Variants in RTL4 observed in about 807,000 individuals in gnomAD.
RTL4 encodes retrotransposon Gag-like protein 4.
RTL4 carries 4 observed loss-of-function variants against 5.3 expected under a neutral mutation model. The observed-to-expected ratio is 0.75, with a 90% CI of 0.37 to 1.72. The LOEUF (loss-of-function observed/expected upper bound fraction) is 1.72. Ranked by LOEUF, RTL4 falls within the 40% of genes most tolerant of loss-of-function variation. The probability of loss-of-function intolerance (pLI) is 0.04; values close to 1 mark genes in which losing one functional copy is unlikely to be tolerated. For missense variants in RTL4, 260 were observed against 227.1 expected (o/e 1.14, Z -0.93); for synonymous variants, 98 against 87.3 (o/e 1.12, Z -0.68).
At chrX:112,094,977 G>A in the RTL4 span, among the ~76,000 whole-genome samples, 1 of 111,284 alleles carries the variant, frequency 9.0e-6, no homozygotes, top group African/African-American at 3.3e-5. Flanking sequence ...GTCAAGAGAG[G>A]TTGGGTTTTC....
chrX:112,402,839 A>G, the RTL4 span, among the ~76,000 whole-genome samples: 1 of 111,522 alleles, frequency 9.0e-6, no homozygotes, highest in Non-Finnish European at 1.9e-5. Flanking sequence ...CCAAAATCTG[A>G]AGAACCAGAC....
chrX:112,271,547 G>T, the RTL4 span, among the ~76,000 whole-genome samples: 1 of 111,519 alleles, frequency 9.0e-6, no homozygotes, highest in Non-Finnish European at 1.9e-5. Flanking sequence ...GAGGGGGAAA[G>T]CTCTGAGCAA....
the RTL4 span, among the ~76,000 whole-genome samples, chrX:112,430,580 G>A: frequency 9.0e-6 from 1 of 111,134 alleles, no homozygotes; most frequent in African/African-American, 3.3e-5. Context: ...TCTTCACGAT[G>A]TGTTATTTTT....
the RTL4 span, among the ~76,000 whole-genome samples, chrX:112,147,002 C>T: frequency 8.9e-4 from 95 of 106,463 alleles, no homozygotes; most frequent in African/African-American, 3.2e-3. Flanking sequence ...GAGGTACACA[C>T]TATTATTCTC....
At chrX:112,145,691 A>G in the RTL4 span, among the ~76,000 whole-genome samples, 1 of 111,702 alleles carries the variant, frequency 9.0e-6, no homozygotes, top group Non-Finnish European at 1.9e-5. Context: ...AAGTGCTATG[A>G]CGAAAAGAAG....
chrX:112,263,680 G>A, the RTL4 span, among the ~76,000 whole-genome samples: 4 of 111,645 alleles, frequency 3.6e-5, no homozygotes, highest in Non-Finnish European at 7.5e-5. Context: ...AGGATCTAAA[G>A]TACAGCAGAG....
the RTL4 span, among the ~76,000 whole-genome samples, chrX:112,103,167 A>T: frequency 8.9e-6 from 1 of 111,758 alleles, no homozygotes; most frequent in Non-Finnish European, 1.9e-5. Flanking sequence ...AATGGCAAAG[A>T]TATGGAATCA....
the RTL4 span, among the ~76,000 whole-genome samples, chrX:112,293,022 A>T: frequency 8.9e-6 from 1 of 111,966 alleles, no homozygotes; most frequent in African/African-American, 3.2e-5. Flanking sequence ...AAAATTGCTA[A>T]TAGCAACACA....
At chrX:112,116,600 T>C in the RTL4 span, among the ~76,000 whole-genome samples, 1 of 111,614 alleles carries the variant, frequency 9.0e-6, no homozygotes, top group Non-Finnish European at 1.9e-5. Flanking sequence ...TGGTGCGTTT[T>C]TACAAAGCAC....
chrX:112,168,595 T>A, the RTL4 span, among the ~76,000 whole-genome samples: 8 of 111,920 alleles, frequency 7.1e-5, no homozygotes, highest in Admixed American at 9.5e-5. Flanking sequence ...CTGTTCATTA[T>A]ATGCTAATTA....
At chrX:112,151,326 C>G in the RTL4 span, among the ~76,000 whole-genome samples, 3 of 111,700 alleles carry the variant, frequency 2.7e-5, no homozygotes, top group Admixed American at 1.9e-4. Context: ...CAAGGCCGAG[C>G]CAAAGGCAAT....
At chrX:112,213,361 G>C in the RTL4 span, among the ~76,000 whole-genome samples, 3 of 112,485 alleles carry the variant, frequency 2.7e-5, no homozygotes, top group Non-Finnish European at 5.6e-5. Flanking sequence ...TTGGAGCAAT[G>C]CTTTGCCTAT....
chrX:112,308,962 T>C, the RTL4 span, among the ~76,000 whole-genome samples: 1 of 111,708 alleles, frequency 9.0e-6, no homozygotes, highest in Non-Finnish European at 1.9e-5. Context: ...ATGCAAATCT[T>C]CCTGGATTGT....
the RTL4 span, among the ~76,000 whole-genome samples, chrX:112,320,620 G>A: frequency 9.0e-6 from 1 of 111,116 alleles, no homozygotes; most frequent in East Asian, 2.8e-4. Context: ...AAACAGTGAG[G>A]TGATTAAAGG....
the RTL4 span, among the ~76,000 whole-genome samples, chrX:112,410,176 A>G: frequency 8.9e-6 from 1 of 112,419 alleles, no homozygotes; most frequent in Non-Finnish European, 1.9e-5. Flanking sequence ...GCAAGAGGAT[A>G]TAACAATTGT....
chrX:112,347,439 G>C, the RTL4 span, among the ~76,000 whole-genome samples: 5 of 111,479 alleles, frequency 4.5e-5, no homozygotes, highest in African/African-American at 1.6e-4. Context: ...ACTAGGTGGG[G>C]ATAAGAGAAC....
the RTL4 span, among the ~76,000 whole-genome samples, chrX:112,311,990 C>A: frequency 1.4e-4 from 16 of 111,694 alleles, no homozygotes; most frequent in Non-Finnish European, 2.3e-4. Flanking sequence ...CCAATGCTAT[C>A]ATAGTTCACT....
At chrX:112,236,515 A>G in the RTL4 span, among the ~76,000 whole-genome samples, 5 of 88,019 alleles carry the variant, frequency 5.7e-5, no homozygotes, top group Admixed American at 2.6e-4. Context: ...AGATATATAT[A>G]AAATACGACT....
At chrX:112,455,719 C>T (rs1012817849) in exon 1 of RTL4, 2 of 1,053,663 alleles carry the variant, frequency 1.9e-6, no homozygotes, top group Non-Finnish European at 2.5e-6. Flanking sequence ...GATTTATAAC[C>T]TGCATTAACT....
Sources: gnomAD v4.1 joint callset for allele counts (sites outside exome capture counted in the v4.1 genomes callset) on GRCh38, gnomAD v4.1.1 for gene constraint, MANE v1.5 for transcripts, NCBI Gene and HGNC (gene_info 2026-07-23, HGNC 2026-07-21) for gene names.